TRPC4AP: variants seen among roughly 807,000 people sequenced by gnomAD.
The protein encoded by TRPC4AP is transient receptor potential cation channel subfamily C member 4 associated protein, also known as short transient receptor potential channel 4-associated protein.
Under a neutral mutation model 99.0 loss-of-function variants are expected in TRPC4AP, and 45 were observed. That is an observed-to-expected ratio of 0.45 (90% CI 0.36 to 0.58). TRPC4AP has a LOEUF of 0.58. Ranked by LOEUF, TRPC4AP falls within the 20% of genes least tolerant of loss-of-function variation. TRPC4AP has a pLI of 0.00. For missense variants in TRPC4AP, 879 were observed against 985.3 expected (o/e 0.89, Z 1.44); for synonymous variants, 408 against 385.8 (o/e 1.06, Z -0.67).
At chr20:35,076,028 C>G (rs1043711337) in intron 2 of TRPC4AP, among the ~76,000 whole-genome samples, 6 of 152,034 alleles carry the variant, frequency 3.9e-5, no homozygotes, top group Admixed American at 1.3e-4. Flanking sequence ...TCACTGATAC[C>G]CTTTCTTCCA....
chr20:35,081,992 A>C (rs2084659606), intron 1 of TRPC4AP, among the ~76,000 whole-genome samples: 1 of 152,122 alleles, frequency 6.6e-6, no homozygotes, highest in Non-Finnish European at 1.5e-5. Context: ...CTCAAAAACA[A>C]AACAAAACAA....
At chr20:35,067,035 A>G (rs1428051107) in intron 3 of TRPC4AP, among the ~76,000 whole-genome samples, 2 of 152,250 alleles carry the variant, frequency 1.3e-5, no homozygotes, top group Non-Finnish European at 2.9e-5. Flanking sequence ...CAAAAGAGAT[A>G]TATCTCAACT....
chr20:35,051,489 T>C (rs573764776), intron 5 of TRPC4AP, among the ~76,000 whole-genome samples: 2 of 152,002 alleles, frequency 1.3e-5, no homozygotes, highest in African/African-American at 4.8e-5. Flanking sequence ...ATTTTCAAAG[T>C]GAAGGCATCA....
chr20:35,011,337 G>C (rs1479151021), intron 11 of TRPC4AP, among the ~76,000 whole-genome samples: 1 of 152,174 alleles, frequency 6.6e-6, no homozygotes, highest in African/African-American at 2.4e-5. Flanking sequence ...TACCTGGAAT[G>C]TGCTCAGAAC....
chr20:35,036,511 A>G (rs1364842524), intron 7 of TRPC4AP, among the ~76,000 whole-genome samples: 1 of 152,238 alleles, frequency 6.6e-6, no homozygotes, highest in Non-Finnish European at 1.5e-5. Flanking sequence ...TTAATTTTTG[A>G]TACAGTGGCA....
At chr20:35,016,559 C>A (rs1208799104) in intron 9 of TRPC4AP, among the ~76,000 whole-genome samples, 1 of 151,898 alleles carries the variant, frequency 6.6e-6, no homozygotes, top group Admixed American at 6.6e-5. Flanking sequence ...ATGCTTTGCA[C>A]TAGGATAAAT....
chr20:35,012,934 G>A, intron 11 of TRPC4AP, 74 bp downstream of exon 11: 1 of 1,508,764 alleles, frequency 6.6e-7, no homozygotes, highest in South Asian at 1.1e-5. Flanking sequence ...CTGAGGTCAG[G>A]GACCAGACAA....
intron 7 of TRPC4AP, among the ~76,000 whole-genome samples, chr20:35,041,444 T>C (rs1210143957): frequency 6.6e-6 from 1 of 151,926 alleles, no homozygotes; most frequent in Non-Finnish European, 1.5e-5. Context: ...TTAGGCTTTA[T>C]CCCAAAAGCT....
At chr20:35,026,222 GT>G (rs35794517) in intron 8 of TRPC4AP, among the ~76,000 whole-genome samples, 19 of 146,972 alleles carry the variant, frequency 1.3e-4, no homozygotes, top group South Asian at 2.2e-4. Context: ...GTCTTAGGTT[GT>G]TTTTTTTTTT....
chr20:35,047,553 C>T (rs892417887), intron 6 of TRPC4AP, among the ~76,000 whole-genome samples: 1 of 152,130 alleles, frequency 6.6e-6, no homozygotes, highest in African/African-American at 2.4e-5. Context: ...TCTGAAACAA[C>T]GAAGCTACAA....
chr20:35,049,963 T>A lies in TRPC4AP; in HGVS notation c.560A>T (p.Lys187Met). The change falls in exon 6 of 19, where the codon AAG (lysine) becomes ATG (methionine). Residue 187 changes from lysine to methionine, a missense_variant. Around this residue, in one of 3 missense-constraint regions of TRPC4AP, gnomAD observed 603 missense variants for 631.8 expected, o/e 0.95. Coordinates refer to ENST00000252015, the MANE Select transcript of TRPC4AP (RefSeq NM_015638.3). ...TEGVTKRLAEKNDFVIFLFTL... is the reference protein window; with the variant it reads ...TEGVTKRLAEMNDFVIFLFTL... Reference sequence around the variant, plus strand: ...AAACAGGAAGATCACAAAGTCATTCTTTTCTGCCAAACGCTTTGTAACTCC... The same window carrying A: ...AAACAGGAAGATCACAAAGTCATTCATTTCTGCCAAACGCTTTGTAACTCC... 1 of 1,614,112 alleles carries A rather than the reference T, an allele frequency of 6.2e-7. No individual in the cohort carries two copies. The highest frequency in any genetic ancestry group is 8.5e-7 in the Non-Finnish European group (1 of 1,179,992).
chr20:35,066,127 T>C (rs1420258792), intron 3 of TRPC4AP, among the ~76,000 whole-genome samples: 1 of 152,046 alleles, frequency 6.6e-6, no homozygotes, highest in African/African-American at 2.4e-5. Flanking sequence ...TTTTTTGAGA[T>C]GGGGTCTTGC....
At chr20:35,030,241 C>CCAAA (rs775263078) in intron 8 of TRPC4AP, 1 of 111,702 alleles carries the variant, frequency 9.0e-6, no homozygotes, top group East Asian at 2.7e-4. Context: ...AACTCCATAT[C>CCAAA]AAAAAAAAAA....
intron 8 of TRPC4AP, among the ~76,000 whole-genome samples, chr20:35,022,261 G>A (rs2082907889): frequency 6.6e-6 from 1 of 152,198 alleles, no homozygotes; most frequent in East Asian, 1.9e-4. Flanking sequence ...TTTCAAGCAA[G>A]TCTCCTGCCT....
In TRPC4AP at chr20:35,008,709, C is replaced by T. The variant is rs1200996164; in HGVS notation, c.1550G>A (p.Arg517His). 3.1e-6 allele frequency: 5 copies of T among 1,613,982 alleles called. No individual in the cohort carries two copies. The highest frequency in any genetic ancestry group is 4.2e-6 in the Non-Finnish European group (5 of 1,179,944). ...VCDGKRGLLT[R>H]LLQVMKKEPA... Reference sequence around the variant, plus strand: ...CTCCTTCTTCATGACCTGCAGCAGACGAGTTAATAAGCCCCTCTTCCCATC... The same window carrying T: ...CTCCTTCTTCATGACCTGCAGCAGATGAGTTAATAAGCCCCTCTTCCCATC... Residue 517 changes from arginine (R) to histidine (H), a missense_variant, in exon 13 of 19, where the codon CGT (arginine) becomes CAT (histidine). Arg to His is a conservative substitution (Grantham distance 29). Around this residue, in one of 3 missense-constraint regions of TRPC4AP, gnomAD observed 603 missense variants for 631.8 expected, o/e 0.95. Coordinates refer to ENST00000252015, the MANE Select transcript of TRPC4AP (RefSeq NM_015638.3).
intron 15 of TRPC4AP, 150 bp downstream of exon 15, chr20:35,006,285 G>A (rs1449696135): frequency 4.5e-6 from 4 of 888,736 alleles, no homozygotes; most frequent in Non-Finnish European, 5.2e-6. Context: ...AAGCCAGACA[G>A]AGCAGGTTCC....
At chr20:35,046,827 A>G (rs539815856) in intron 6 of TRPC4AP, among the ~76,000 whole-genome samples, 3 of 151,714 alleles carry the variant, frequency 2.0e-5, no homozygotes, top group Non-Finnish European at 4.4e-5. Context: ...AGGTCCCACC[A>G]CCCCCAGCCC....
chr20:35,009,459 T>G (rs1180374641), intron 12 of TRPC4AP, among the ~76,000 whole-genome samples: 1 of 150,300 alleles, frequency 6.7e-6, no homozygotes, highest in Non-Finnish European at 1.5e-5. Flanking sequence ...CTGGGCAACA[T>G]AGTGAGACCC....
At chr20:35,068,907 C>A (rs6058166) in intron 3 of TRPC4AP, among the ~76,000 whole-genome samples, 2 of 147,298 alleles carry the variant, frequency 1.4e-5, no homozygotes, top group Non-Finnish European at 3.0e-5. Flanking sequence ...ACTCTATGTG[C>A]GGAGAAAATA....
Sources: gnomAD v4.1 joint callset for allele counts (sites outside exome capture counted in the v4.1 genomes callset) on GRCh38, gnomAD v4.1.1 for gene constraint, gnomAD v4.1.1 regional missense constraint, MANE v1.5 for transcripts, NCBI Gene and HGNC (gene_info 2026-07-23, HGNC 2026-07-21) for gene names.